The following SCML2 variants were observed in gnomAD, a reference collection of about 807,000 sequenced individuals.
SCML2 encodes Scm polycomb group protein like 2, also known as sex comb on midleg-like protein 2.
In SCML2, 6 loss-of-function variants were observed where a neutral mutation model predicts 48.4. The observed-to-expected ratio is 0.12, with a 90% CI of 0.07 to 0.24. The LOEUF is 0.24. SCML2 is among the 10% of genes least tolerant of loss of function. The pLI, the probability that SCML2 is intolerant of heterozygous loss-of-function variation, is 1.00. For missense variants in SCML2, 377 were observed against 528.2 expected (o/e 0.71, Z 2.81); for synonymous variants, 181 against 189.5 (o/e 0.95, Z 0.37).
chrX:18,299,261 C>A (rs1256983636), intron 7 of SCML2, among the ~76,000 whole-genome samples: 1 of 111,362 alleles, frequency 9.0e-6, no homozygotes, highest in Non-Finnish European at 1.9e-5. Context: ...CGCCTGTATT[C>A]CCAGCACTTT....
intron 7 of SCML2, among the ~76,000 whole-genome samples, chrX:18,278,150 C>T (rs1365981859): frequency 1.8e-5 from 2 of 111,220 alleles, no homozygotes; most frequent in African/African-American, 6.5e-5. Context: ...AGAGTGAGAC[C>T]CGATTTTGAA....
chrX:18,351,099 G>A (rs1460228137), intron 1 of SCML2, among the ~76,000 whole-genome samples: 2 of 110,139 alleles, frequency 1.8e-5, no homozygotes, highest in Non-Finnish European at 3.8e-5. Flanking sequence ...GTGAAACCCC[G>A]TCTCTACTAA....
chrX:18,254,040 T>A (rs1378208841), intron 11 of SCML2, among the ~76,000 whole-genome samples: 1 of 111,946 alleles, frequency 8.9e-6, no homozygotes, highest in East Asian at 2.8e-4. Flanking sequence ...TTTGACACAT[T>A]AGCAGTGCTT....
Position 18,320,423 on chromosome X carries a change from G to T in SCML2, c.398-3C>A. ...GGAGGATGTATTCATCTGGTACCCT[G>T]TTTTATAAAATAAATTAGGTATCAT... is the stretch of plus-strand genomic sequence containing the variant. On this transcript the variant is annotated splice_polypyrimidine_tract_variant and splice_region_variant and intron_variant, in intron 5 of 14. Transcript: ENST00000251900. The T allele has an allele frequency of 9.2e-7, 1 of 1,086,671 alleles. No individual in the cohort carries two copies. Among genetic ancestry groups the T allele is most frequent in the Non-Finnish European group, 1.2e-6 (1 of 805,322 alleles). The allele number at this position is 1,086,671 out of a possible 1,213,427, so 89.6% of individuals were successfully genotyped here. A position where few individuals can be genotyped will look rare whatever the true frequency, so the allele number is the denominator to read the frequency against.
intron 2 of SCML2, among the ~76,000 whole-genome samples, chrX:18,331,711 G>A (rs1929666806): frequency 8.9e-6 from 1 of 111,746 alleles, no homozygotes; most frequent in Non-Finnish European, 1.9e-5. Context: ...TGGTTGATAT[G>A]TCTCTTACAT....
At chrX:18,325,575 T>C (rs908333085) in intron 3 of SCML2, among the ~76,000 whole-genome samples, 1 of 111,638 alleles carries the variant, frequency 9.0e-6, no homozygotes, top group African/African-American at 3.3e-5. Flanking sequence ...GTCACTAATA[T>C]GGATTATTTT....
At chrX:18,340,891 G>A (rs1191008070) in intron 1 of SCML2, among the ~76,000 whole-genome samples, 5 of 110,204 alleles carry the variant, frequency 4.5e-5, no homozygotes, top group Non-Finnish European at 9.5e-5. Context: ...TAGACTCTTA[G>A]CATAATTTTT....
At chrX:18,345,806 C>T (rs1930180421) in intron 1 of SCML2, among the ~76,000 whole-genome samples, 1 of 110,613 alleles carries the variant, frequency 9.0e-6, no homozygotes, top group South Asian at 3.9e-4. Flanking sequence ...AGCCTGACCT[C>T]CCGGCCTTAA....
intron 3 of SCML2, among the ~76,000 whole-genome samples, chrX:18,327,324 C>T (rs979653653): frequency 1.8e-5 from 2 of 111,251 alleles, no homozygotes; most frequent in African/African-American, 3.3e-5. Context: ...GAGCCAAGAT[C>T]GCGCCACTGC....
intron 6 of SCML2, among the ~76,000 whole-genome samples, chrX:18,311,493 C>T (rs1328552789): frequency 9.0e-6 from 1 of 111,656 alleles, no homozygotes; most frequent in East Asian, 2.8e-4. Flanking sequence ...TAAAACAAGT[C>T]TCATATAGAA....
chrX:18,343,923 T>TAA (rs1203495780), intron 1 of SCML2, among the ~76,000 whole-genome samples: 172 of 53,314 alleles, frequency 3.2e-3, no homozygotes, highest in African/African-American at 4.0e-3. Flanking sequence ...TGCCTCTATT[T>TAA]AAAAAAAAAA....
At chrX:18,304,786 C>A (rs1014336972) in intron 7 of SCML2, among the ~76,000 whole-genome samples, 186 bp downstream of exon 7, 5 of 111,394 alleles carry the variant, frequency 4.5e-5, no homozygotes, top group Non-Finnish European at 9.4e-5. Context: ...GCTGCAGTGA[C>A]CTCAAGAATT....
chrX:18,298,555 T>C (rs1014763651), intron 7 of SCML2, among the ~76,000 whole-genome samples: 1 of 111,954 alleles, frequency 8.9e-6, no homozygotes, highest in East Asian at 2.8e-4. Context: ...TGGATATCCA[T>C]ATGTAAAAGA....
At chrX:18,244,943 G>GT (rs1249573057) in intron 13 of SCML2, among the ~76,000 whole-genome samples, 1 of 111,441 alleles carries the variant, frequency 9.0e-6, no homozygotes, top group African/African-American at 3.3e-5. Context: ...ATGGAAATGC[G>GT]TATCTATTCT....
In SCML2 at chrX:18,304,990, G is replaced by T; in HGVS notation, c.712C>A (p.Gln238Lys). The change falls in exon 7 of 15, where the codon CAA becomes AAA. Residue 238 changes from glutamine to lysine, a missense_variant. Physicochemically the swap from Gln to Lys is moderately conservative, Grantham distance 53. This residue lies in a region of SCML2 where 299 missense variants were observed against 425.5 expected (regional missense o/e 0.70). Coordinates refer to ENST00000251900, the MANE Select transcript of SCML2 (RefSeq NM_006089.3). ...ATCTTACCACTAGTTCCTGGGGGTT[G>T]TAATACATCTCCTGTCAGGCGACAC... ...GWCRLTGDVL[Q>K]PPGTSVPIVK... is the part of the protein sequence containing the mutation. 8.3e-7 allele frequency: 1 copy of T among 1,209,607 alleles called. No individual in the cohort carries two copies. The highest frequency in any genetic ancestry group is 1.1e-6 in the Non-Finnish European group (1 of 894,575).
At chrX:18,338,187 T>C (rs751888766) in intron 1 of SCML2, among the ~76,000 whole-genome samples, 1 of 112,104 alleles carries the variant, frequency 8.9e-6, no homozygotes, top group Admixed American at 9.5e-5. Flanking sequence ...CTCACGCCTG[T>C]AATCCCAGCA....
rs753235275 is a variant in SCML2, at chrX:18,306,781, G to C, written c.487-1566C>G. On this transcript the variant is annotated intron_variant, in intron 6 of 14. Coordinates refer to ENST00000251900, the MANE Select transcript of SCML2 (RefSeq NM_006089.3). ...GTTACTCTTTACACCCTTACGATCT[G>C]GAAGCTCCTTAATTATTAGCTTCCA... Among the ~76,000 whole-genome samples, 898 of 110,304 alleles carry C rather than the reference G, an allele frequency of 8.1e-3. 17 individuals carry two copies. Among genetic ancestry groups the C allele is most frequent in the African/African-American group, 0.028 (841 of 30,301 alleles).
intron 7 of SCML2, among the ~76,000 whole-genome samples, chrX:18,281,231 C>T (rs1434012597): frequency 1.8e-5 from 2 of 113,417 alleles, no homozygotes; most frequent in African/African-American, 6.4e-5. Context: ...GGAAATTAAA[C>T]AACTTGCTCC....
intron 7 of SCML2, among the ~76,000 whole-genome samples, chrX:18,288,996 T>A (rs1928147541): frequency 9.0e-6 from 1 of 111,720 alleles, no homozygotes; most frequent in Non-Finnish European, 1.9e-5. Context: ...AGTCACCTGC[T>A]CAAACCTCCT....
Sources: allele counts gnomAD v4.1 joint callset (sites outside exome capture counted in the v4.1 genomes callset), GRCh38; gene constraint gnomAD v4.1.1; regional missense constraint gnomAD v4.1.1; transcripts MANE v1.5; gene names NCBI Gene and HGNC (gene_info 2026-07-23, HGNC 2026-07-21).